Variants in SMPD3 observed in about 807,000 individuals in gnomAD.
SMPD3 encodes the protein sphingomyelin phosphodiesterase 3.
A neutral mutation model predicts 55.7 loss-of-function variants in SMPD3; 21 were observed. The ratio of observed to expected loss-of-function variants is 0.38; its 90% confidence interval spans 0.27 to 0.54. The LOEUF is 0.54. Among genes scored for constraint, SMPD3 ranks in the 20% least tolerant of loss-of-function variants. The probability of loss-of-function intolerance (pLI) is 0.80; values close to 1 mark genes in which losing one functional copy is unlikely to be tolerated. For missense variants in SMPD3, 842 were observed against 899.6 expected, an observed-to-expected ratio of 0.94 and a Z score of 0.82; for synonymous variants, 457 against 404.3, an observed-to-expected ratio of 1.13 and a Z score of -1.56.
chr16:68,427,875 C>T (rs781101186), intron 1 of SMPD3, among the ~76,000 whole-genome samples: 3 of 152,018 alleles, frequency 2.0e-5, no homozygotes, highest in African/African-American at 7.2e-5. Flanking sequence ...GCTTGGCAAG[C>T]GGGGGCAGGT....
chr16:68,363,948 A>C, intron 5 of SMPD3, 82 bp from the exon 6 acceptor site: 1 of 1,276,710 alleles, frequency 7.8e-7, no homozygotes, highest in Non-Finnish European at 1.1e-6. Context: ...CCCATCAGTT[A>C]CTCCCCATGT....
chr16:68,427,109 G>A (rs2152027610), intron 1 of SMPD3, among the ~76,000 whole-genome samples: 1 of 149,588 alleles, frequency 6.7e-6, no homozygotes, highest in South Asian at 2.1e-4. Flanking sequence ...CGGTTCTCCT[G>A]CCTTAGCCTC....
At chr16:68,434,856 G>A (rs1472448071) in intron 1 of SMPD3, among the ~76,000 whole-genome samples, 2 of 152,172 alleles carry the variant, frequency 1.3e-5, no homozygotes, top group Non-Finnish European at 2.9e-5. Context: ...CTTTGGTGGA[G>A]GCGACATCCT....
intron 2 of SMPD3, among the ~76,000 whole-genome samples, chr16:68,381,618 G>A (rs921746155): frequency 2.0e-5 from 3 of 152,190 alleles, no homozygotes; most frequent in African/African-American, 7.2e-5. Context: ...AACGGTAGAT[G>A]TGGAACCTTC....
chr16:68,443,218 CT>C, intron 1 of SMPD3, among the ~76,000 whole-genome samples: 1 of 152,316 alleles, frequency 6.6e-6, no homozygotes, highest in South Asian at 2.1e-4. Context: ...ACCTGCCCAC[CT>C]TCTGGAGTCT....
intron 7 of SMPD3, 102 bp downstream of exon 7, chr16:68,363,394 T>C: frequency 7.5e-7 from 1 of 1,328,840 alleles, no homozygotes; most frequent in South Asian, 1.2e-5. Flanking sequence ...ATAAAAGCCC[T>C]CATGAGCCCG....
At chr16:68,433,333 T>G (rs1241287970) in intron 1 of SMPD3, among the ~76,000 whole-genome samples, 1 of 152,234 alleles carries the variant, frequency 6.6e-6, no homozygotes, top group Non-Finnish European at 1.5e-5. Context: ...CCGACCCTCA[T>G]GTGTTCAGAG....
intron 1 of SMPD3, among the ~76,000 whole-genome samples, chr16:68,405,668 T>C (rs1247145888): frequency 6.6e-6 from 1 of 151,980 alleles, no homozygotes; most frequent in African/African-American, 2.4e-5. Flanking sequence ...AATAGTGACT[T>C]CTCGGTGTAA....
intron 1 of SMPD3, among the ~76,000 whole-genome samples, chr16:68,429,696 C>A (rs2090465000): frequency 6.6e-6 from 1 of 152,178 alleles, no homozygotes; most frequent in South Asian, 2.1e-4. Flanking sequence ...TGAGTATGAG[C>A]CCTTTGGGCT....
At chr16:68,420,828 A>T (rs2090387751) in intron 1 of SMPD3, among the ~76,000 whole-genome samples, 1 of 152,220 alleles carries the variant, frequency 6.6e-6, no homozygotes, top group Non-Finnish European at 1.5e-5. Flanking sequence ...ATTAAGCTTC[A>T]TGATGGTGAC....
At chr16:68,420,681 C>A (rs1336396746) in intron 1 of SMPD3, among the ~76,000 whole-genome samples, 3 of 152,248 alleles carry the variant, frequency 2.0e-5, no homozygotes, top group Non-Finnish European at 4.4e-5. Flanking sequence ...AACTGCTGGG[C>A]TGCATCCATT....
chr16:68,418,114 C>G (rs1250542419), intron 1 of SMPD3, among the ~76,000 whole-genome samples: 1 of 152,156 alleles, frequency 6.6e-6, no homozygotes, highest in Non-Finnish European at 1.5e-5. Flanking sequence ...CACTCCCTTC[C>G]TGTTGTGTGC....
intron 4 of SMPD3, 53 bp downstream of exon 4, chr16:68,364,964 C>T (rs936907141): frequency 1.9e-6 from 3 of 1,613,756 alleles, no homozygotes; most frequent in East Asian, 2.2e-5. Context: ...CCCAGCTAGG[C>T]CCCAGGCACT....
chr16:68,437,201 T>TTCA (rs1440271034), intron 1 of SMPD3, among the ~76,000 whole-genome samples: 1 of 152,238 alleles, frequency 6.6e-6, no homozygotes, highest in Non-Finnish European at 1.5e-5. Context: ...GAGCCAGTTG[T>TTCA]GTGAGCAGGG....
In SMPD3 at chr16:68,359,972, A is replaced by G. The variant is rs886259042; in HGVS notation, c.*1234T>C. ...CACACCCTGCCCTGGGCATGCAGCA[A>G]CTGTCAGCCTTGCTGCCCCAGCTTG... On this transcript the variant is annotated 3_prime_UTR_variant, in exon 9 of 9. Coordinates refer to ENST00000219334, the MANE Select transcript of SMPD3 (RefSeq NM_018667.4). 2 of 152,480 alleles carry G rather than the reference A, an allele frequency of 1.3e-5. No homozygotes were observed. Among genetic ancestry groups the G allele is most frequent in the Admixed American group, 1.3e-4 (2 of 15,288 alleles). The allele number at this position is 152,480 out of a possible 1,614,324, so 9.4% of individuals were successfully genotyped here. A position where few individuals can be genotyped will look rare whatever the true frequency, so the allele number is the denominator to read the frequency against.
rs767707600 is a variant in SMPD3 at position 68,371,416 on chromosome 16, G to A, written c.766C>T (p.Pro256Ser). 4.5e-6 allele frequency: 7 copies of A among 1,570,064 alleles called. No homozygotes were observed. In the East Asian group the frequency reaches 9.0e-5, roughly 20 times the overall value. ...RIGGEEGGRP[P>S]EADDPVPGGQ... Reference sequence around the variant, plus strand: ...CCAGGCACAGGGTCGTCAGCTTCAGGTGGCCGGCCGCCCTCCTCGCCACCG... The same window carrying A: ...CCAGGCACAGGGTCGTCAGCTTCAGATGGCCGGCCGCCCTCCTCGCCACCG... The change falls in exon 3 of 9, where the codon CCT (proline) becomes TCT (serine). Residue 256 changes from proline to serine, a missense_variant. Pro to Ser is a moderately conservative substitution (Grantham distance 74). This residue lies in a region of SMPD3 where 649 missense variants were observed against 643.6 expected (regional missense o/e 1.01). Coordinates refer to ENST00000219334, the MANE Select transcript of SMPD3 (RefSeq NM_018667.4).
chr16:68,370,388 G>A (rs997707503), intron 3 of SMPD3: 7 of 161,638 alleles, frequency 4.3e-5, no homozygotes, highest in Admixed American at 4.0e-4. Context: ...GGTCCCGTCT[G>A]CTTGCCTGAT....
At chr16:68,432,043 A>T (rs1015921243) in intron 1 of SMPD3, among the ~76,000 whole-genome samples, 14 of 151,890 alleles carry the variant, frequency 9.2e-5, no homozygotes, top group Admixed American at 9.2e-4. Flanking sequence ...TGAACCAGGA[A>T]GGCAGAGGTG....
chr16:68,442,758 C>T (rs778634650), intron 1 of SMPD3, among the ~76,000 whole-genome samples: 2 of 152,194 alleles, frequency 1.3e-5, no homozygotes, highest in Non-Finnish European at 2.9e-5. Context: ...ACACGCTGTT[C>T]TGATGCTGAG....
Sources: allele counts gnomAD v4.1 joint callset (sites outside exome capture counted in the v4.1 genomes callset), GRCh38; gene constraint gnomAD v4.1.1; regional missense constraint gnomAD v4.1.1; transcripts MANE v1.5; gene names NCBI Gene and HGNC (gene_info 2026-07-23, HGNC 2026-07-21).